The following DNAH3 variants were observed in gnomAD, a reference collection of about 807,000 sequenced individuals.
DNAH3 encodes axonemal beta dynein heavy chain 3.
A neutral mutation model predicts 432.5 loss-of-function variants in DNAH3; 332 were observed. The ratio of observed to expected loss-of-function variants is 0.77; its 90% CI spans 0.70 to 0.84. The LOEUF is 0.84. DNAH3 is among the 40% of genes least tolerant of loss of function. DNAH3 has a pLI of 0.00. For missense variants in DNAH3, 4,861 were observed against 5,114.0 expected, an observed-to-expected ratio of 0.95 and a Z score of 1.51; for synonymous variants, 1,956 against 1,900.2, an observed-to-expected ratio of 1.03 and a Z score of -0.76.
chr16:20,957,475 A>G (rs993084771), intron 54 of DNAH3, among the ~76,000 whole-genome samples: 3 of 152,126 alleles, frequency 2.0e-5, no homozygotes, highest in Non-Finnish European at 4.4e-5. Context: ...AGCAGGGTGC[A>G]TTTGGCTATC....
At chr16:21,000,584 A>G (rs1322943720) in intron 42 of DNAH3, 66 bp from the exon 43 acceptor site, 1 of 1,438,672 alleles carries the variant, frequency 7.0e-7, no homozygotes, top group South Asian at 1.3e-5. Flanking sequence ...TTGGCATTCA[A>G]GAGACCTGGG....
intron 7 of DNAH3, among the ~76,000 whole-genome samples, chr16:21,132,853 T>C (rs576367303): frequency 1.3e-5 from 2 of 152,156 alleles, no homozygotes; most frequent in Non-Finnish European, 2.9e-5. Flanking sequence ...AAAACTTGCA[T>C]TGTGTACTTT....
chr16:21,134,719 C>T (rs552270647), intron 6 of DNAH3, among the ~76,000 whole-genome samples: 3 of 152,140 alleles, frequency 2.0e-5, no homozygotes, highest in Non-Finnish European at 4.4e-5. Flanking sequence ...CTCGCTCTGT[C>T]GCCCAGGCTC....
At chr16:21,062,820 CTTTT>C in intron 24 of DNAH3, 137 bp from the exon 25 acceptor site, 3 of 648,072 alleles carry the variant, frequency 4.6e-6, no homozygotes, top group Non-Finnish European at 7.9e-6. Context: ...GGCCCACTCT[CTTTT>C]ATCACTTTTC....
intron 23 of DNAH3, among the ~76,000 whole-genome samples, chr16:21,068,064 CACAA>C (rs892059297): frequency 1.5e-4 from 23 of 152,240 alleles, no homozygotes; most frequent in African/African-American, 5.3e-4. Context: ...ATCTCACTCC[CACAA>C]ACAAAGCAGG....
chr16:20,984,029 G>GAAAAAAGAAAAAAAAAAAAAAA (rs2086051499), intron 48 of DNAH3, among the ~76,000 whole-genome samples: 61 of 112,126 alleles, frequency 5.4e-4, no homozygotes, highest in African/African-American at 2.0e-3. Context: ...CCTATATCCA[G>GAAAAAAGAAAAAAAAAAAAAAA]AAAAAAAAAA....
chr16:21,010,073 A>G (rs922767649), intron 41 of DNAH3, among the ~76,000 whole-genome samples: 2 of 152,218 alleles, frequency 1.3e-5, no homozygotes, highest in African/African-American at 4.8e-5. Context: ...GCCTGATTTT[A>G]TGTCAAACTC....
chr16:20,963,355 C>G, exon 53 of DNAH3: 2 of 1,614,182 alleles, frequency 1.2e-6, no homozygotes, highest in Non-Finnish European at 1.7e-6. Context: ...ATTGTAGGAT[C>G]CCTGGAGATC....
chr16:20,999,425 T>C (rs1310533212), intron 43 of DNAH3, among the ~76,000 whole-genome samples: 1 of 152,120 alleles, frequency 6.6e-6, no homozygotes, highest in Non-Finnish European at 1.5e-5. Context: ...GGCTGTTAGT[T>C]GGCAAGGACA....
At chr16:20,985,842 G>T in intron 47 of DNAH3, 127 bp from the exon 48 acceptor site, 1 of 954,376 alleles carries the variant, frequency 1.0e-6, no homozygotes, top group Non-Finnish European at 1.6e-6. Flanking sequence ...AAGGTCATGG[G>T]TCATCAGTTT....
At chr16:20,979,373 C>T (rs1244898567) in exon 50 of DNAH3, 13 of 1,613,976 alleles carry the variant, frequency 8.1e-6, no homozygotes, top group East Asian at 4.5e-5. Context: ...TGTCAGGTAG[C>T]GGTTCCTCAT....
rs1596887598 is a variant in DNAH3, at chr16:20,944,913, C to G, written c.11344-250G>C. On this transcript the variant is annotated intron_variant, in intron 57 of 61. Coordinates refer to ENST00000261383, the Ensembl canonical transcript of DNAH3. ...CCACCCTGGCTTCCTCTCTGCTCCC[C>G]CAGTGGGCCTGGCTTTGGACCCAAA... Among the ~76,000 whole-genome samples the G allele has an allele frequency of 1.3e-5, 2 of 152,170 alleles. 1 individual carries two copies. The highest frequency in any genetic ancestry group is 4.1e-4 in the South Asian group (2 of 4,828).
At position 20,988,008 on chromosome 16, in the gene DNAH3, A is replaced by T; in HGVS notation, c.6659T>A (p.Leu2220Ter). The T allele has an allele frequency of 6.2e-7, 1 of 1,614,196 alleles. No homozygotes were observed. Among genetic ancestry groups the T allele is most frequent in the Non-Finnish European group, 8.5e-7 (1 of 1,180,022 alleles). The change falls in exon 45 of 62, where the codon TTA (leucine) becomes TAA (stop). Residue 2220 changes from leucine (L) to a stop codon, truncating the protein, a stop_gained. Coordinates refer to ENST00000261383, the Ensembl canonical transcript of DNAH3. LOFTEE classifies it high-confidence loss of function. ...AACAATCGAACTGAAAATCTTGGTTAAAATGTCATCCTCAAAGGCATTGAT... is the reference window on the plus strand; with the variant it reads ...AACAATCGAACTGAAAATCTTGGTTTAAATGTCATCCTCAAAGGCATTGAT...
exon 48 of DNAH3, chr16:20,985,422 C>T: frequency 6.2e-7 from 1 of 1,614,094 alleles, no homozygotes; most frequent in Non-Finnish European, 8.5e-7. Context: ...CGGCACTTTG[C>T]CGCCCGCTGC....
intron 20 of DNAH3, among the ~76,000 whole-genome samples, chr16:21,081,381 T>TAAAA (rs56977749): frequency 6.9e-6 from 1 of 144,040 alleles, no homozygotes; most frequent in African/African-American, 2.6e-5. Flanking sequence ...CAAAGAACAT[T>TAAAA]AAAAAAAAAA....
At position 21,159,340 on chromosome 16, in the gene DNAH3, T is replaced by A. The variant is rs368780115; in HGVS notation, c.102A>T (p.Glu34Asp). ...CCCTCTCCACCTGCATTTCACTCCCTTCCTCCTCTCCTTGGGTCTCCCTGG... is the reference window on the plus strand; with the variant it reads ...CCCTCTCCACCTGCATTTCACTCCCATCCTCCTCTCCTTGGGTCTCCCTGG... Residue 34 changes from glutamate (E) to aspartate (D), a missense_variant, in exon 1 of 62, where the codon GAA (glutamate) becomes GAT (aspartate). Physicochemically the swap from Glu to Asp is conservative, Grantham distance 45. Transcript: ENST00000261383. The A allele has an allele frequency of 4.3e-6, 7 of 1,613,922 alleles. No homozygotes were observed. Among genetic ancestry groups the A allele is most frequent in the Non-Finnish European group, 5.9e-6 (7 of 1,179,886 alleles).
rs757656954 is a variant in DNAH3, at chr16:21,051,689, G to C, written c.4219C>G (p.Leu1407Val). 10 of 1,613,314 alleles carry C rather than the reference G, an allele frequency of 6.2e-6. No homozygotes were observed. The highest frequency in any genetic ancestry group is 8.5e-6 in the Non-Finnish European group (10 of 1,180,024). ...GTGTACCTGTAGCAGCGGTCGGTGAGGGGTGTGATCACCAGCCGGGGGGAG... is the reference window on the plus strand; with the variant it reads ...GTGTACCTGTAGCAGCGGTCGGTGACGGGTGTGATCACCAGCCGGGGGGAG... The change falls in exon 29 of 62, where the codon CTC becomes GTC. Residue 1407 changes from leucine to valine, a missense_variant. Transcript: ENST00000261383.
chr16:21,159,306 A>G (rs1221462960), intron 1 of DNAH3: 1 of 1,604,146 alleles, frequency 6.2e-7, no homozygotes, highest in African/African-American at 1.3e-5. Context: ...GCCTTCTGGG[A>G]CGCGGACCCC....
chr16:21,047,437 C>T (rs372211301), intron 31 of DNAH3, among the ~76,000 whole-genome samples: 3 of 152,164 alleles, frequency 2.0e-5, no homozygotes, highest in Middle Eastern at 6.8e-3. Context: ...CATCTTCCAT[C>T]GCTGATACCC....
Sources: allele counts gnomAD v4.1 joint callset (sites outside exome capture counted in the v4.1 genomes callset), GRCh38; gene constraint gnomAD v4.1.1; transcripts MANE v1.5; gene names NCBI Gene and HGNC (gene_info 2026-07-23, HGNC 2026-07-21).